The following ASIC2 variants were observed in gnomAD, a reference collection of about 807,000 sequenced individuals.
ASIC2 encodes acid-sensing ion channel 2.
In ASIC2, 25 loss-of-function variants were observed where a neutral mutation model predicts 57.3. The observed-to-expected ratio is 0.44, with a 90% confidence interval of 0.32 to 0.61. The LOEUF (loss-of-function observed/expected upper bound fraction) is 0.61. Among genes scored for constraint, ASIC2 ranks in the 20% least tolerant of loss-of-function variants. The probability of loss-of-function intolerance (pLI) is 0.06; values close to 1 mark genes in which losing one functional copy is unlikely to be tolerated. For synonymous variants in ASIC2, 319 were observed against 307.5 expected (o/e 1.04, Z -0.39); for missense variants, 641 against 738.1 (o/e 0.87, Z 1.52).
intron 1 of ASIC2, among the ~76,000 whole-genome samples, chr17:33,928,590 G>A (rs1915869996): frequency 6.6e-6 from 1 of 152,356 alleles, no homozygotes; most frequent in South Asian, 2.1e-4. Flanking sequence ...AAGATGAACT[G>A]TGCCTGTCAG....
At chr17:33,455,675 G>A (rs535580524) in intron 1 of ASIC2, among the ~76,000 whole-genome samples, 3 of 152,130 alleles carry the variant, frequency 2.0e-5, no homozygotes, top group African/African-American at 4.8e-5. Flanking sequence ...GCTAACTTAT[G>A]CCTGTGAGTT....
intron 1 of ASIC2, among the ~76,000 whole-genome samples, chr17:33,608,163 G>A (rs764324880): frequency 4.6e-5 from 7 of 152,210 alleles, no homozygotes; most frequent in Non-Finnish European, 7.3e-5. Flanking sequence ...AACACCCCAT[G>A]AGAATGGCGT....
chr17:33,589,748 C>T (rs1904767408), intron 1 of ASIC2, among the ~76,000 whole-genome samples: 1 of 152,128 alleles, frequency 6.6e-6, no homozygotes, highest in African/African-American at 2.4e-5. Context: ...ATTCACACAC[C>T]ACATTTTGTT....
At chr17:33,589,294 A>G (rs1019335886) in intron 1 of ASIC2, among the ~76,000 whole-genome samples, 1 of 152,212 alleles carries the variant, frequency 6.6e-6, no homozygotes, top group African/African-American at 2.4e-5. Context: ...GGGCCAGGAA[A>G]GCTTTCAGAA....
intron 1 of ASIC2, among the ~76,000 whole-genome samples, chr17:33,204,219 C>T (rs565992441): frequency 6.6e-6 from 1 of 152,280 alleles, no homozygotes; most frequent in South Asian, 2.1e-4. Context: ...TATCAAAATC[C>T]CCTAGAAAAA....
chr17:33,342,898 G>A (rs778864017), intron 1 of ASIC2, among the ~76,000 whole-genome samples: 9 of 152,176 alleles, frequency 5.9e-5, no homozygotes, highest in Non-Finnish European at 1.0e-4. Flanking sequence ...CAGGTGGGCA[G>A]GGCAGGCTCT....
At chr17:33,586,460 G>T (rs1467036712) in intron 1 of ASIC2, among the ~76,000 whole-genome samples, 1 of 152,074 alleles carries the variant, frequency 6.6e-6, no homozygotes, top group Non-Finnish European at 1.5e-5. Flanking sequence ...TCATCACTAT[G>T]CCACTTCCCT....
intron 1 of ASIC2, among the ~76,000 whole-genome samples, chr17:33,661,724 T>C (rs564421356): frequency 1.3e-5 from 2 of 152,324 alleles, no homozygotes; most frequent in East Asian, 3.9e-4. Flanking sequence ...AACCTAGTCA[T>C]GCTGTTTGAT....
At chr17:33,172,837 C>A (rs770492978) in intron 1 of ASIC2, among the ~76,000 whole-genome samples, 1 of 152,158 alleles carries the variant, frequency 6.6e-6, no homozygotes, top group African/African-American at 2.4e-5. Context: ...GAGGTTGGGT[C>A]GTTTCAACAA....
At chr17:33,978,224 G>T (rs1290160594) in intron 1 of ASIC2, among the ~76,000 whole-genome samples, 1 of 152,214 alleles carries the variant, frequency 6.6e-6, no homozygotes, top group Non-Finnish European at 1.5e-5. Context: ...GGCCCTAGCT[G>T]CTAGAAGCCT....
intron 1 of ASIC2, among the ~76,000 whole-genome samples, chr17:33,431,606 G>A (rs1228554310): frequency 2.0e-5 from 3 of 152,088 alleles, no homozygotes; most frequent in Non-Finnish European, 4.4e-5. Flanking sequence ...TAAAAACTGG[G>A]TAGAGGAAGA....
rs545740479 is a variant in ASIC2, at chr17:33,041,698, G to C, written c.988-13306C>G. Among the ~76,000 whole-genome samples the C allele has an allele frequency of 5.4e-4, 83 of 152,346 alleles. 1 individual carries two copies. The highest frequency in any genetic ancestry group is 1.9e-3 in the African/African-American group (78 of 41,584). The stretch of plus-strand genomic sequence containing the variant: ...CTGAGTTCTGCACTCTGCTGAACCA[G>C]GCTGAAGCCAGGCAGGAGCAGAATG... On this transcript the variant is annotated intron_variant, in intron 3 of 9. Coordinates refer to ENST00000225823, the MANE Select transcript of ASIC2 (RefSeq NM_183377.2).
At chr17:33,432,144 T>C (rs1300829330) in intron 1 of ASIC2, among the ~76,000 whole-genome samples, 2 of 152,218 alleles carry the variant, frequency 1.3e-5, no homozygotes, top group African/African-American at 4.8e-5. Flanking sequence ...TTCTTCTGCC[T>C]CTGCCACCCC....
chr17:34,124,527 T>C (rs1452293155), intron 1 of ASIC2, among the ~76,000 whole-genome samples: 1 of 152,176 alleles, frequency 6.6e-6, no homozygotes, highest in Non-Finnish European at 1.5e-5. Flanking sequence ...CCTGTTCAGC[T>C]TCAGTTATCA....
At position 33,988,956 on chromosome 17, in the gene ASIC2, C is replaced by T. The variant is rs116944936; in HGVS notation, c.555+167022G>A. ...AACTTTGCCCCAAATTGTTCCCTTG[C>T]CTGGCTTCTTCCACTTCTATGCCCC... On this transcript the variant is annotated intron_variant, in intron 1 of 9. Transcript: ENST00000359872. Among the ~76,000 whole-genome samples, 57 of 152,152 alleles carry T rather than the reference C, an allele frequency of 3.7e-4. 2 individuals are homozygous for T. The East Asian group carries it at 0.011, about 30-fold the overall frequency.
intron 1 of ASIC2, among the ~76,000 whole-genome samples, chr17:33,509,181 G>C (rs564114118): frequency 4.9e-4 from 75 of 152,284 alleles, no homozygotes; most frequent in Admixed American, 2.8e-3. Flanking sequence ...AAGGTAGGAC[G>C]GAGGGAGGGC....
chr17:33,459,128 C>T (rs1400325278), intron 1 of ASIC2, among the ~76,000 whole-genome samples: 1 of 151,788 alleles, frequency 6.6e-6, no homozygotes, highest in Non-Finnish European at 1.5e-5. Flanking sequence ...GAGGCCCCAC[C>T]ATTACTCAAG....
chr17:33,063,664 A>G (rs957151351), intron 3 of ASIC2, among the ~76,000 whole-genome samples: 1 of 152,100 alleles, frequency 6.6e-6, no homozygotes, highest in Non-Finnish European at 1.5e-5. Flanking sequence ...CTCAAGGAGT[A>G]TCTTTGTGGC....
intron 1 of ASIC2, among the ~76,000 whole-genome samples, chr17:33,204,920 A>T (rs1907006206): frequency 6.6e-6 from 1 of 152,232 alleles, no homozygotes; most frequent in Non-Finnish European, 1.5e-5. Flanking sequence ...AGGTGACAGC[A>T]TTTGATCCCT....
Sources: allele counts gnomAD v4.1 joint callset (sites outside exome capture counted in the v4.1 genomes callset), GRCh38; gene constraint gnomAD v4.1.1; transcripts MANE v1.5; gene names NCBI Gene and HGNC (gene_info 2026-07-23, HGNC 2026-07-21).